Variants in ERC2 observed in about 807,000 individuals in gnomAD.
ERC2 encodes ERC protein 2.
A neutral mutation model predicts 114.8 loss-of-function variants in ERC2; 42 were observed. The observed-to-expected ratio is 0.37, with a 90% confidence interval of 0.29 to 0.47. The LOEUF is 0.47. Ranked by LOEUF, ERC2 falls within the 20% of genes least tolerant of loss-of-function variation. ERC2 has a pLI of 0.99. For missense variants in ERC2, 939 were observed against 1,150.7 expected, an observed-to-expected ratio of 0.82 and a Z score of 2.66; for synonymous variants, 454 against 425.5, an observed-to-expected ratio of 1.07 and a Z score of -0.82.
chr3:56,037,600 G>A (rs2074888339), intron 7 of ERC2, among the ~76,000 whole-genome samples: 2 of 152,174 alleles, frequency 1.3e-5, no homozygotes, highest in Non-Finnish European at 2.9e-5. Context: ...AAGAGATGGT[G>A]AGAATGGAAC....
intron 7 of ERC2, among the ~76,000 whole-genome samples, chr3:56,057,889 TA>T (rs1234431071): frequency 6.6e-6 from 1 of 151,988 alleles, no homozygotes; most frequent in Non-Finnish European, 1.5e-5. Context: ...TAGACAAAGG[TA>T]AGAAATATAA....
intron 6 of ERC2, among the ~76,000 whole-genome samples, chr3:56,122,104 G>A (rs1468206996): frequency 6.6e-6 from 1 of 152,184 alleles, no homozygotes; most frequent in African/African-American, 2.4e-5. Context: ...CAGAAACATT[G>A]GAAACAACCT....
chr3:56,396,043 A>G (rs576934851), intron 2 of ERC2, among the ~76,000 whole-genome samples: 1 of 152,330 alleles, frequency 6.6e-6, no homozygotes, highest in East Asian at 1.9e-4. Flanking sequence ...AATACTGATA[A>G]AAAGACCAGG....
intron 15 of ERC2, among the ~76,000 whole-genome samples, chr3:55,713,774 T>A (rs1401400161): frequency 6.6e-6 from 1 of 152,230 alleles, no homozygotes. Flanking sequence ...TCAACCTGCC[T>A]ATTATAAAGC....
At chr3:56,241,011 T>C (rs940080812) in intron 3 of ERC2, among the ~76,000 whole-genome samples, 4 of 152,290 alleles carry the variant, frequency 2.6e-5, no homozygotes, top group African/African-American at 7.2e-5. Flanking sequence ...GTGTCTACTG[T>C]TACCCTCTGA....
intron 3 of ERC2, among the ~76,000 whole-genome samples, chr3:56,261,834 T>C (rs556949579): frequency 2.3e-4 from 35 of 152,324 alleles, no homozygotes; most frequent in African/African-American, 7.5e-4. Flanking sequence ...GTATCCATTA[T>C]TTATTTTTCC....
At chr3:55,770,849 T>G (rs551554936) in intron 14 of ERC2, among the ~76,000 whole-genome samples, 1 of 147,902 alleles carries the variant, frequency 6.8e-6, no homozygotes, top group South Asian at 2.3e-4. Context: ...CCTGTGTCCA[T>G]GTGTTCTCAT....
Position 55,510,423 on chromosome 3 carries a change from C to T in ERC2, c.*893G>A, listed in dbSNP as rs577077652. On this transcript the variant is annotated 3_prime_UTR_variant, in exon 18 of 18. Transcript: ENST00000288221. ...TAAGAGTCTGAGGCTTGGTGGCGTCCCCACCGTGGGGATGTGCAGAACACA... is the reference window on the plus strand; with the variant it reads ...TAAGAGTCTGAGGCTTGGTGGCGTCTCCACCGTGGGGATGTGCAGAACACA... 6.6e-6 allele frequency: 1 copy of T among 152,314 alleles called. No homozygotes were observed. The highest frequency in any genetic ancestry group is 2.4e-5 in the African/African-American group (1 of 41,378). 9.4% of individuals were successfully genotyped at this position (152,314 alleles called of 1,614,324 possible).
intron 14 of ERC2, among the ~76,000 whole-genome samples, chr3:55,878,347 T>C (rs1175458939): frequency 6.6e-6 from 1 of 152,154 alleles, no homozygotes; most frequent in Non-Finnish European, 1.5e-5. Context: ...TGTTTTAAGA[T>C]AAGGAAGCCA....
At position 55,917,066 on chromosome 3, in the gene ERC2, T is replaced by C. The variant is rs563846146; in HGVS notation, c.2404-28517A>G. Among the ~76,000 whole-genome samples the C allele has an allele frequency of 1.6e-3, 243 of 152,262 alleles. 1 individual carries two copies. Among genetic ancestry groups the C allele is most frequent in the Non-Finnish European group, 3.2e-3 (216 of 68,016 alleles). On this transcript the variant is annotated intron_variant, in intron 13 of 17. Transcript: ENST00000288221. ...TGAGAAAAGCCATATGAAAATTAGG[T>C]CATAATCTGAAGAATGAAGAGGATT... is the stretch of plus-strand genomic sequence containing the variant.
intron 14 of ERC2, among the ~76,000 whole-genome samples, chr3:55,832,593 CA>C (rs2060655391): frequency 6.6e-6 from 1 of 152,164 alleles, no homozygotes; most frequent in African/African-American, 2.4e-5. Flanking sequence ...ATATCCACAC[CA>C]AAAACCTATC....
At chr3:55,966,375 G>A (rs1434991628) in intron 12 of ERC2, among the ~76,000 whole-genome samples, 5 of 152,128 alleles carry the variant, frequency 3.3e-5, no homozygotes, top group Admixed American at 3.3e-4. Flanking sequence ...CCCAGGGGCA[G>A]GGTGGCCAAA....
At chr3:55,809,338 G>T (rs2059626144) in intron 14 of ERC2, among the ~76,000 whole-genome samples, 1 of 152,022 alleles carries the variant, frequency 6.6e-6, no homozygotes. Context: ...GGATTATATG[G>T]CTAGTATCTG....
chr3:56,209,490 G>T (rs1431507130), intron 3 of ERC2, among the ~76,000 whole-genome samples: 2 of 152,192 alleles, frequency 1.3e-5, no homozygotes, highest in African/African-American at 2.4e-5. Context: ...CTCCATGAGG[G>T]TGTAGACCAT....
intron 14 of ERC2, among the ~76,000 whole-genome samples, chr3:55,794,391 G>A (rs900372315): frequency 6.6e-6 from 1 of 152,298 alleles, no homozygotes; most frequent in East Asian, 1.9e-4. Flanking sequence ...TTTGTGGCTA[G>A]AGGAATTATT....
chr3:56,063,322 A>G (rs991369137), intron 7 of ERC2, among the ~76,000 whole-genome samples: 12 of 152,236 alleles, frequency 7.9e-5, no homozygotes, highest in Non-Finnish European at 1.5e-4. Flanking sequence ...GTTAAAACAC[A>G]TAGAACTGTA....
intron 13 of ERC2, among the ~76,000 whole-genome samples, chr3:55,923,414 A>T (rs2065551697): frequency 6.6e-6 from 1 of 152,116 alleles, no homozygotes; most frequent in South Asian, 2.1e-4. Flanking sequence ...TGTTTAACAG[A>T]TATAGAGTTT....
chr3:55,782,040 C>G (rs2069100962), intron 14 of ERC2, among the ~76,000 whole-genome samples: 1 of 152,136 alleles, frequency 6.6e-6, no homozygotes, highest in Admixed American at 6.5e-5. Context: ...TTTTACCACT[C>G]CTCTCCCACC....
chr3:55,732,525 C>T (rs866147708), intron 15 of ERC2, among the ~76,000 whole-genome samples: 1 of 152,258 alleles, frequency 6.6e-6, no homozygotes, highest in East Asian at 1.9e-4. Context: ...ATAAAGGCTT[C>T]GTGCAGGTTC....
Sources: allele counts gnomAD v4.1 joint callset (sites outside exome capture counted in the v4.1 genomes callset), GRCh38; gene constraint gnomAD v4.1.1; transcripts MANE v1.5; gene names NCBI Gene and HGNC (gene_info 2026-07-23, HGNC 2026-07-21).